The following CTNNA3 variants were observed in gnomAD, a reference collection of about 807,000 sequenced individuals.
CTNNA3 encodes catenin alpha-3.
In CTNNA3, 76 loss-of-function variants were observed where a neutral mutation model predicts 95.7. That is an observed-to-expected ratio of 0.79 (90% confidence interval 0.66 to 0.96). CTNNA3 has a LOEUF of 0.96. CTNNA3 is among the 40% of genes least tolerant of loss of function. The pLI, the probability that CTNNA3 is intolerant of heterozygous loss-of-function variation, is 0.00. For missense variants in CTNNA3, 1,191 were observed against 1,089.8 expected (o/e 1.09, Z -1.31); for synonymous variants, 431 against 374.4 (o/e 1.15, Z -1.74).
intron 7 of CTNNA3, among the ~76,000 whole-genome samples, chr10:67,165,336 C>G (rs1232171716): frequency 6.6e-6 from 1 of 151,654 alleles, no homozygotes; most frequent in Non-Finnish European, 1.5e-5. Flanking sequence ...TTGCATTTGC[C>G]GAGGGTTAGG....
intron 17 of CTNNA3, among the ~76,000 whole-genome samples, chr10:65,927,426 C>T (rs1206495684): frequency 6.6e-6 from 1 of 152,164 alleles, no homozygotes; most frequent in African/African-American, 2.4e-5. Context: ...TTTATGACAA[C>T]TGGTTTCCTT....
At chr10:66,354,799 T>C (rs141789134) in intron 12 of CTNNA3, among the ~76,000 whole-genome samples, 2 of 152,176 alleles carry the variant, frequency 1.3e-5, no homozygotes, top group Admixed American at 1.3e-4. Flanking sequence ...GAAGAATACA[T>C]ACTTTGTACA....
At chr10:66,268,915 C>T (rs530518750) in intron 13 of CTNNA3, among the ~76,000 whole-genome samples, 51 of 152,288 alleles carry the variant, frequency 3.3e-4, no homozygotes, top group African/African-American at 1.2e-3. Context: ...CATTGAGTCA[C>T]TACCTTGTAG....
chr10:67,563,576 G>T (rs1039531719), intron 3 of CTNNA3, among the ~76,000 whole-genome samples: 1 of 152,146 alleles, frequency 6.6e-6, no homozygotes, highest in African/African-American at 2.4e-5. Context: ...CAGGACATAG[G>T]CACAGGCAAG....
At chr10:66,380,313 CA>C (rs1426282320) in intron 11 of CTNNA3, among the ~76,000 whole-genome samples, 1 of 151,900 alleles carries the variant, frequency 6.6e-6, no homozygotes, top group African/African-American at 2.4e-5. Flanking sequence ...TCTTGTCGTC[CA>C]AAAAATAAAA....
chr10:67,405,709 G>A (rs1466841281), intron 5 of CTNNA3, among the ~76,000 whole-genome samples: 1 of 152,124 alleles, frequency 6.6e-6, no homozygotes, highest in Admixed American at 6.6e-5. Flanking sequence ...GGAACTGACA[G>A]ATATCTATAG....
chr10:67,621,616 G>A (rs1843847646), intron 2 of CTNNA3, among the ~76,000 whole-genome samples: 1 of 152,016 alleles, frequency 6.6e-6, no homozygotes, highest in South Asian at 2.1e-4. Flanking sequence ...GGGCATGATG[G>A]TGCACGCCTG....
intron 9 of CTNNA3, among the ~76,000 whole-genome samples, chr10:66,658,057 T>C (rs1316717568): frequency 6.6e-6 from 1 of 152,154 alleles, no homozygotes; most frequent in Non-Finnish European, 1.5e-5. Context: ...CCCTTTCAAT[T>C]TGGTCTGTCT....
chr10:66,822,889 A>G (rs535914648), intron 7 of CTNNA3, among the ~76,000 whole-genome samples: 100 of 152,354 alleles, frequency 6.6e-4, no homozygotes, highest in Non-Finnish European at 1.2e-3. Flanking sequence ...GTGTAAGATT[A>G]TCTTCTTCCT....
chr10:66,390,568 T>A (rs910012454), intron 11 of CTNNA3, among the ~76,000 whole-genome samples: 1 of 152,192 alleles, frequency 6.6e-6, no homozygotes, highest in African/African-American at 2.4e-5. Context: ...CATTTTTGCA[T>A]ACCTGGCTCC....
chr10:66,240,931 A>T (rs10822770), intron 13 of CTNNA3, among the ~76,000 whole-genome samples: 1 of 152,030 alleles, frequency 6.6e-6, no homozygotes, highest in Non-Finnish European at 1.5e-5. Flanking sequence ...CGTTTAGTCA[A>T]GGAGAAAATA....
chr10:67,419,826 C>G (rs898881100), intron 5 of CTNNA3, among the ~76,000 whole-genome samples: 4 of 152,044 alleles, frequency 2.6e-5, no homozygotes, highest in African/African-American at 9.7e-5. Flanking sequence ...AGTCACATAT[C>G]TGATGCACTA....
At chr10:66,522,171 G>A (rs1311785925) in intron 10 of CTNNA3, among the ~76,000 whole-genome samples, 1 of 152,062 alleles carries the variant, frequency 6.6e-6, no homozygotes, top group Admixed American at 6.6e-5. Context: ...CTCATCTCTT[G>A]TTAAAATAAG....
At chr10:67,712,861 G>A (rs1386432159) in intron 1 of CTNNA3, among the ~76,000 whole-genome samples, 1 of 152,072 alleles carries the variant, frequency 6.6e-6, no homozygotes, top group Admixed American at 6.6e-5. Flanking sequence ...TACCATTCAG[G>A]ACATAGGCAT....
At chr10:66,600,321 T>C (rs1338528958) in intron 10 of CTNNA3, among the ~76,000 whole-genome samples, 1 of 151,882 alleles carries the variant, frequency 6.6e-6, no homozygotes, top group Non-Finnish European at 1.5e-5. Context: ...CTTGAAATAA[T>C]GTAATTTTTA....
chr10:67,297,833 T>A (rs1052072282), intron 5 of CTNNA3, among the ~76,000 whole-genome samples: 1 of 152,192 alleles, frequency 6.6e-6, no homozygotes, highest in Middle Eastern at 3.2e-3. Context: ...CATCCTGCGG[T>A]CATGTAGGGT....
intron 7 of CTNNA3, among the ~76,000 whole-genome samples, chr10:66,807,012 T>C (rs1841679039): frequency 6.6e-6 from 1 of 151,896 alleles, no homozygotes; most frequent in Non-Finnish European, 1.5e-5. Context: ...CTAATCAAAA[T>C]GACAAACGCT....
At chr10:66,351,279 T>C (rs1271211618) in intron 12 of CTNNA3, among the ~76,000 whole-genome samples, 2 of 152,058 alleles carry the variant, frequency 1.3e-5, no homozygotes, top group African/African-American at 4.8e-5. Flanking sequence ...TCATTCAATA[T>C]GTAGAAGGTT....
At chr10:66,574,926 G>T (rs2132175626) in intron 10 of CTNNA3, among the ~76,000 whole-genome samples, 1 of 152,198 alleles carries the variant, frequency 6.6e-6, no homozygotes, top group East Asian at 1.9e-4. Flanking sequence ...GATGTCCCAA[G>T]AAGCCACTTA....
Sources: gnomAD v4.1 joint callset for allele counts (sites outside exome capture counted in the v4.1 genomes callset) on GRCh38, gnomAD v4.1.1 for gene constraint, MANE v1.5 for transcripts, NCBI Gene and HGNC (gene_info 2026-07-23, HGNC 2026-07-21) for gene names.